ZNF503: variants seen among roughly 807,000 people sequenced by gnomAD.
The protein encoded by ZNF503 is NocA-like zinc finger 2.
In ZNF503, 15 loss-of-function variants were observed where a neutral mutation model predicts 34.4. That is an observed-to-expected ratio of 0.44 (90% CI 0.29 to 0.67). ZNF503 has a LOEUF of 0.67. Among genes scored for constraint, ZNF503 ranks in the 30% least tolerant of loss-of-function variants. The pLI, the probability that ZNF503 is intolerant of heterozygous loss-of-function variation, is 0.13. For synonymous variants in ZNF503, 580 were observed against 456.8 expected (o/e 1.27, Z -3.44); for missense variants, 1,007 against 926.8 (o/e 1.09, Z -1.12).
rs767876927 is a variant in ZNF503 at position 75,400,342 on chromosome 10, C to T, written c.348G>A (p.Leu116=). 9 of 1,610,886 alleles carry T rather than the reference C, an allele frequency of 5.6e-6. No individual in the cohort carries two copies. The highest frequency in any genetic ancestry group is 4.2e-6 in the Non-Finnish European group (5 of 1,178,162). ...TCCCGATCTGCGAACATGTTTGCGCCAACAGCGCCAGCGGGCTCTTCTTGG... is the reference window on the plus strand; with the variant it reads ...TCCCGATCTGCGAACATGTTTGCGCTAACAGCGCCAGCGGGCTCTTCTTGG... ...LDAKKSPLAL[L]AQTCSQIGKP... is the part of the protein sequence containing the mutation. Residue 116 remains leucine, a synonymous_variant, in exon 2 of 2, where the codon TTG becomes TTA. Coordinates refer to ENST00000372524, the MANE Select transcript of ZNF503 (RefSeq NM_032772.6).
At chr10:75,348,496 C>A in the ZNF503 span, among the ~76,000 whole-genome samples, 1 of 150,366 alleles carries the variant, frequency 6.7e-6, no homozygotes. Context: ...CCACGCCTGG[C>A]CCCTATTACT....
chr10:75,356,989 A>G, the ZNF503 span, among the ~76,000 whole-genome samples: 1 of 152,216 alleles, frequency 6.6e-6, no homozygotes, highest in Non-Finnish European at 1.5e-5. Context: ...TCATCCCACA[A>G]GAAAAAACAG....
At chr10:75,320,967 T>C in the ZNF503 span, among the ~76,000 whole-genome samples, 1 of 152,166 alleles carries the variant, frequency 6.6e-6, no homozygotes, top group Non-Finnish European at 1.5e-5. Context: ...CCAAATGTCA[T>C]GTCAAATTGT....
the ZNF503 span, among the ~76,000 whole-genome samples, chr10:75,297,965 T>G: frequency 1.3e-5 from 2 of 152,124 alleles, no homozygotes; most frequent in African/African-American, 2.4e-5. Context: ...TTTATTTAGG[T>G]GAAACCTACA....
the ZNF503 span, among the ~76,000 whole-genome samples, chr10:75,330,174 C>A: frequency 6.6e-6 from 1 of 152,198 alleles, no homozygotes; most frequent in Non-Finnish European, 1.5e-5. Flanking sequence ...CTGCTGATAT[C>A]AAATCATCCT....
At chr10:75,387,565 A>G in the ZNF503 span, among the ~76,000 whole-genome samples, 1 of 152,206 alleles carries the variant, frequency 6.6e-6, no homozygotes, top group Admixed American at 6.5e-5. Context: ...CTGATATTCT[A>G]TCTGGTAAGA....
chr10:75,282,759 T>C, the ZNF503 span, among the ~76,000 whole-genome samples: 9 of 152,276 alleles, frequency 5.9e-5, no homozygotes, highest in Middle Eastern at 6.8e-3. Context: ...TGACCTTGGG[T>C]AAATTAGTCG....
Position 75,401,392 on chromosome 10 carries a change from G to C in ZNF503, c.28C>G (p.Leu10Val). 3 of 1,538,834 alleles carry C rather than the reference G, an allele frequency of 1.9e-6. No homozygotes were observed. Among genetic ancestry groups the C allele is most frequent in the Non-Finnish European group, 2.6e-6 (3 of 1,146,230 alleles). Reference protein sequence around the residue: MSTAPSLSALRSSKHSGGGG... With the variant: MSTAPSLSAVRSSKHSGGGG... ...CCGCCGCTGTGCTTACTGCTTCTTA[G>C]GGCAGAAAGCGAGGGCGCTGTGCTC... is the stretch of plus-strand genomic sequence containing the variant. The change falls in exon 1 of 2, where the codon CTA (leucine) becomes GTA (valine). Residue 10 changes from leucine (L) to valine (V), a missense_variant. Coordinates refer to ENST00000372524, the MANE Select transcript of ZNF503 (RefSeq NM_032772.6).
At chr10:75,351,446 A>G in the ZNF503 span, among the ~76,000 whole-genome samples, 1 of 152,202 alleles carries the variant, frequency 6.6e-6, no homozygotes, top group Non-Finnish European at 1.5e-5. Context: ...TGCTGGGATT[A>G]CCGGTGTGAG....
chr10:75,286,216 G>A, the ZNF503 span, among the ~76,000 whole-genome samples: 1 of 151,408 alleles, frequency 6.6e-6, no homozygotes, highest in Non-Finnish European at 1.5e-5. Flanking sequence ...CCAGGAGGCG[G>A]AGGTTGCAGT....
downstream of ZNF503, among the ~76,000 whole-genome samples, chr10:75,393,587 A>G (rs374298530): frequency 5.9e-5 from 9 of 152,350 alleles, no homozygotes; most frequent in South Asian, 1.0e-3. Flanking sequence ...GGCTGGGCAT[A>G]GTGGCTCACG....
Position 75,400,028 on chromosome 10 carries a change from G to A in ZNF503, c.662C>T (p.Pro221Leu), listed in dbSNP as rs1286275576. The change falls in exon 2 of 2, where the codon CCA becomes CTA. Residue 221 changes from proline (P) to leucine (L), a missense_variant. Pro to Leu is a moderately conservative substitution (Grantham distance 98). Transcript: ENST00000372524. The part of the protein sequence containing the change: ...GFRVPSATCQ[P>L]FTPRTGSPSS... ...CGGGCTGCCTGTCCTGGGCGTGAAT[G>A]GCTGGCAGGTGGCGCTCGGTACCCG... is the stretch of plus-strand genomic sequence containing the variant. 5 of 1,602,358 alleles carry A rather than the reference G, an allele frequency of 3.1e-6. No individual in the cohort carries two copies. The highest frequency in any genetic ancestry group is 4.2e-6 in the Non-Finnish European group (5 of 1,177,738).
chr10:75,321,541 A>T, the ZNF503 span, among the ~76,000 whole-genome samples: 1 of 152,202 alleles, frequency 6.6e-6, no homozygotes, highest in Non-Finnish European at 1.5e-5. Context: ...GCTATAGACA[A>T]TGAAGTCCAG....
At chr10:75,328,745 T>G in the ZNF503 span, among the ~76,000 whole-genome samples, 1 of 96,414 alleles carries the variant, frequency 1.0e-5, no homozygotes, top group East Asian at 2.3e-4. Flanking sequence ...AAATGTCTTT[T>G]CTTTTTTTTT....
the ZNF503 span, among the ~76,000 whole-genome samples, chr10:75,326,087 CA>C: frequency 6.6e-6 from 1 of 152,148 alleles, no homozygotes; most frequent in Non-Finnish European, 1.5e-5. Context: ...AAAGTCATGG[CA>C]AAAACATCAA....
chr10:75,333,348 T>C, the ZNF503 span, among the ~76,000 whole-genome samples: 1 of 36,262 alleles, frequency 2.8e-5, no homozygotes, highest in African/African-American at 1.3e-4. Flanking sequence ...CACTTCCCAG[T>C]AGGGGCGGCC....
At chr10:75,368,361 G>A in the ZNF503 span, among the ~76,000 whole-genome samples, 1 of 152,088 alleles carries the variant, frequency 6.6e-6, no homozygotes, top group Non-Finnish European at 1.5e-5. Flanking sequence ...AAAATAGAAA[G>A]AGAAGGGTTC....
chr10:75,366,500 G>T, the ZNF503 span, among the ~76,000 whole-genome samples: 243 of 152,336 alleles, frequency 1.6e-3, 1 homozygote, highest in Non-Finnish European at 2.9e-3. Flanking sequence ...TCCATCAGGC[G>T]TGGGGAACTT....
the ZNF503 span, among the ~76,000 whole-genome samples, chr10:75,317,346 C>T: frequency 1.6e-4 from 22 of 135,616 alleles, 1 homozygote; most frequent in African/African-American, 5.3e-4. Flanking sequence ...GGCACTATCT[C>T]GGCTCACTGC....
Sources: allele counts gnomAD v4.1 joint callset (sites outside exome capture counted in the v4.1 genomes callset), GRCh38; gene constraint gnomAD v4.1.1; transcripts MANE v1.5; gene names NCBI Gene and HGNC (gene_info 2026-07-23, HGNC 2026-07-21).